PDC: variants seen among roughly 807,000 people sequenced by gnomAD.
PDC encodes the protein phosducin.
Under a neutral mutation model 22.2 loss-of-function variants are expected in PDC, and 19 were observed. The ratio of observed to expected loss-of-function variants is 0.86; its 90% CI spans 0.60 to 1.26. The LOEUF is 1.26. Among genes scored for constraint, PDC ranks in the 50% most tolerant of loss-of-function variants. PDC has a pLI of 0.00. For missense variants in PDC, 274 were observed against 286.8 expected (o/e 0.96, Z 0.32); for synonymous variants, 97 against 96.2 (o/e 1.01, Z -0.05).
chr1:186,443,902 C>T lies in PDC; in HGVS notation c.*77G>A. The T allele has an allele frequency of 2.8e-6, 3 of 1,082,524 alleles. No homozygotes were observed. Among genetic ancestry groups the T allele is most frequent in the Non-Finnish European group, 4.1e-6 (3 of 732,956 alleles). 67.1% of individuals were successfully genotyped at this position (1,082,524 alleles called of 1,614,324 possible). A position where few individuals can be genotyped will look rare whatever the true frequency, so the allele number is the denominator to read the frequency against. Reference sequence around the variant, plus strand: ...TAGCCGTGCCCATACTCTGTGTTCACTAAAGCAATATAGATACTACCAAAA... The same window carrying T: ...TAGCCGTGCCCATACTCTGTGTTCATTAAAGCAATATAGATACTACCAAAA... On this transcript the variant is annotated 3_prime_UTR_variant, in exon 4 of 4. Coordinates refer to ENST00000391997, the MANE Select transcript of PDC (RefSeq NM_002597.5).
chr1:186,455,156 C>A (rs1662432053), intron 1 of PDC, among the ~76,000 whole-genome samples: 1 of 152,180 alleles, frequency 6.6e-6, no homozygotes, highest in Admixed American at 6.5e-5. Flanking sequence ...TAATCAAGAT[C>A]TAGTAAGGCT....
intron 1 of PDC, among the ~76,000 whole-genome samples, chr1:186,450,248 C>T (rs1161168584): frequency 6.6e-6 from 1 of 152,128 alleles, no homozygotes; most frequent in Admixed American, 6.5e-5. Context: ...TCAATAGCAT[C>T]TCTCCATACC....
intron 1 of PDC, among the ~76,000 whole-genome samples, chr1:186,453,244 C>A (rs902001868): frequency 2.6e-5 from 4 of 152,084 alleles, no homozygotes; most frequent in African/African-American, 9.7e-5. Flanking sequence ...TAAAATGATT[C>A]AAATATAAAT....
chr1:186,454,816 A>C (rs1170127060), intron 1 of PDC, among the ~76,000 whole-genome samples: 1 of 152,230 alleles, frequency 6.6e-6, no homozygotes, highest in African/African-American at 2.4e-5. Flanking sequence ...TATATTCCAA[A>C]CAATAGTATT....
At chr1:186,445,709 G>A (rs908023349) in intron 3 of PDC, among the ~76,000 whole-genome samples, 5 of 152,020 alleles carry the variant, frequency 3.3e-5, no homozygotes, top group Admixed American at 6.6e-5. Context: ...CAGGAGAATC[G>A]CTTGAACCCA....
chr1:186,457,379 G>C (rs1267812997), intron 1 of PDC, among the ~76,000 whole-genome samples: 2 of 152,130 alleles, frequency 1.3e-5, no homozygotes, highest in Non-Finnish European at 2.9e-5. Context: ...GAGACACACA[G>C]GGGATTTTAT....
intron 1 of PDC, among the ~76,000 whole-genome samples, chr1:186,460,020 A>G (rs1662550702): frequency 6.6e-6 from 1 of 152,010 alleles, no homozygotes; most frequent in Admixed American, 6.6e-5. Context: ...CTGTTTCATT[A>G]AATTTCTAAA....
intron 1 of PDC, among the ~76,000 whole-genome samples, chr1:186,459,102 C>T (rs578226956): frequency 6.6e-6 from 1 of 152,084 alleles, no homozygotes; most frequent in East Asian, 1.9e-4. Context: ...GCGCAGGTTG[C>T]AGTGAGCCGA....
chr1:186,448,298 C>G (rs1181388038), intron 2 of PDC, among the ~76,000 whole-genome samples: 1 of 152,138 alleles, frequency 6.6e-6, no homozygotes, highest in African/African-American at 2.4e-5. Context: ...ATTAAACTTA[C>G]TTGCTTTCAC....
In PDC at chr1:186,449,414, G is replaced by A. The variant is rs1260369793; in HGVS notation, c.46C>T (p.Gln16Ter). The A allele has an allele frequency of 6.2e-7, 1 of 1,605,230 alleles. No individual in the cohort carries two copies. Among genetic ancestry groups the A allele is most frequent in the Non-Finnish European group, 8.5e-7 (1 of 1,173,648 alleles). Reference protein sequence around the residue: ...SQSLEEDFEGQATHTGPKGVI... With the variant: ...SQSLEEDFEG The stretch of plus-strand genomic sequence containing the variant: ...CTTTGCTTGCCTGTATGTGTGGCCT[G>A]TCCTTCAAAGTCTTCCTCCAAACTT... The change falls in exon 2 of 4, where the codon CAG becomes TAG. Residue 16 changes from glutamine to a stop codon, truncating the protein, a stop_gained. Transcript: ENST00000391997. LOFTEE classifies it high-confidence loss of function.
Position 186,446,531 on chromosome 1 carries a change from ACTCT to A in PDC, c.104_107del (p.Glu35ValfsTer37), listed in dbSNP as rs764811609. 6.3e-7 allele frequency: 1 copy of A among 1,595,590 alleles called. No homozygotes were observed. The highest frequency in any genetic ancestry group is 1.7e-5 in the Admixed American group (1 of 59,712). On this transcript the variant is annotated frameshift_variant, in exon 3 of 4. Transcript: ENST00000391997. LOFTEE classifies it high-confidence loss of function. ...TAGGTGGAATTGAATCACTGTCTTGACTCTCTAATTTAAACTTTCTCCAATCATT... is the reference window on the plus strand; with the variant it reads ...TAGGTGGAATTGAATCACTGTCTTGACTAATTTAAACTTTCTCCAATCATT...
chr1:186,446,324 G>C, intron 3 of PDC, 102 bp downstream of exon 3: 4 of 862,322 alleles, frequency 4.6e-6, no homozygotes, highest in Non-Finnish European at 6.7e-6. Flanking sequence ...AAGCAATATT[G>C]TAATGAATAT....
At chr1:186,448,155 A>T (rs1258162109) in intron 2 of PDC, among the ~76,000 whole-genome samples, 1 of 152,168 alleles carries the variant, frequency 6.6e-6, no homozygotes, top group Non-Finnish European at 1.5e-5. Context: ...AGGTATAGTT[A>T]TGGTTATATA....
In PDC at chr1:186,444,484, A is replaced by G; in HGVS notation, c.236T>C (p.Leu79Pro). The G allele has an allele frequency of 6.2e-7, 1 of 1,600,280 alleles. No homozygotes were observed. Among genetic ancestry groups the G allele is most frequent in the Non-Finnish European group, 8.6e-7 (1 of 1,169,186 alleles). The change falls in exon 4 of 4, where the codon CTA becomes CCA. Residue 79 changes from leucine (L) to proline (P), a missense_variant. Coordinates refer to ENST00000391997, the MANE Select transcript of PDC (RefSeq NM_002597.5). ...TTCATCCTCTTTCTCTTTATGGATT[A>G]GTTCATATTCTTGAATGCTCATCTG... ...SRKMSIQEYE[L>P]IHKEKEDENC...
Position 186,446,508 on chromosome 1 carries a change from G to A in PDC, c.131C>T (p.Pro44Leu), listed in dbSNP as rs1323669401. 6.2e-7 allele frequency: 1 copy of A among 1,602,666 alleles called. No individual in the cohort carries two copies. Among genetic ancestry groups the A allele is most frequent in the East Asian group, 2.2e-5 (1 of 44,678 alleles). ...LESQDSDSIP[P>L]SKKEILRQMS... ...TTGCCTGAGAATCTCCTTCTTGCTA[G>A]GTGGAATTGAATCACTGTCTTGACT... The change falls in exon 3 of 4, where the codon CCT becomes CTT. Residue 44 changes from proline to leucine, a missense_variant. Physicochemically the swap from Pro to Leu is moderately conservative, Grantham distance 98. Coordinates refer to ENST00000391997, the MANE Select transcript of PDC (RefSeq NM_002597.5).
intron 1 of PDC, among the ~76,000 whole-genome samples, chr1:186,454,639 G>A (rs1662420671): frequency 6.6e-6 from 1 of 152,168 alleles, no homozygotes; most frequent in Non-Finnish European, 1.5e-5. Context: ...TATGCAGTAT[G>A]CATCAATTAT....
chr1:186,455,217 T>C (rs1452514687), intron 1 of PDC, among the ~76,000 whole-genome samples: 1 of 152,224 alleles, frequency 6.6e-6, no homozygotes, highest in Non-Finnish European at 1.5e-5. Context: ...GCCTTCTCAC[T>C]GTGACCTCAC....
chr1:186,447,675 C>T (rs1442164168), intron 2 of PDC, among the ~76,000 whole-genome samples: 3 of 151,942 alleles, frequency 2.0e-5, no homozygotes, highest in African/African-American at 7.3e-5. Context: ...CCTTCTTTCT[C>T]CTCTATATTG....
chr1:186,449,352 T>C (rs749409578), intron 2 of PDC, 47 bp downstream of exon 2: 2 of 1,114,914 alleles, frequency 1.8e-6, no homozygotes, highest in Admixed American at 1.7e-5. Flanking sequence ...GATATTGCCA[T>C]ATTTAATTTT....
Sources: allele counts gnomAD v4.1 joint callset (sites outside exome capture counted in the v4.1 genomes callset), GRCh38; gene constraint gnomAD v4.1.1; transcripts MANE v1.5; gene names NCBI Gene and HGNC (gene_info 2026-07-23, HGNC 2026-07-21).